Variants in ERC2 observed in about 807,000 individuals in gnomAD.
The protein encoded by ERC2 is ERC protein 2.
ERC2 carries 42 observed loss-of-function variants against 114.8 expected under a neutral mutation model. That is an observed-to-expected ratio of 0.37 (90% CI 0.29 to 0.47). The LOEUF (loss-of-function observed/expected upper bound fraction) is 0.47, where lower values mean the gene tolerates loss of function less well. ERC2 is among the 20% of genes least tolerant of loss of function. The probability of loss-of-function intolerance (pLI) is 0.99; values close to 1 mark genes in which losing one functional copy is unlikely to be tolerated. For synonymous variants in ERC2, 454 were observed against 425.5 expected, an observed-to-expected ratio of 1.07 and a Z score of -0.82; for missense variants, 939 against 1,150.7, an observed-to-expected ratio of 0.82 and a Z score of 2.66.
chr3:55,733,566 A>T (rs755593194), intron 15 of ERC2, among the ~76,000 whole-genome samples: 2,855 of 149,624 alleles, frequency 0.019, 102 homozygotes, highest in African/African-American at 0.053. Context: ...ACACACACAC[A>T]CACACACACA....
chr3:55,915,286 C>T (rs911705987), intron 13 of ERC2, among the ~76,000 whole-genome samples: 8 of 151,996 alleles, frequency 5.3e-5, no homozygotes, highest in East Asian at 3.9e-4. Flanking sequence ...AAGATTATGA[C>T]GCTTATGTTG....
intron 12 of ERC2, among the ~76,000 whole-genome samples, chr3:55,981,934 T>C (rs1294134680): frequency 1.3e-5 from 2 of 152,138 alleles, no homozygotes; most frequent in Non-Finnish European, 2.9e-5. Context: ...CCGCCTCCCA[T>C]GTGTGGCACA....
chr3:56,244,498 C>T (rs1229969962), intron 3 of ERC2, among the ~76,000 whole-genome samples: 3 of 152,064 alleles, frequency 2.0e-5, no homozygotes, highest in Non-Finnish European at 2.9e-5. Flanking sequence ...ATGCGTGTTA[C>T]TGCCCCTGAA....
chr3:55,873,298 A>C (rs2062671167), intron 14 of ERC2, among the ~76,000 whole-genome samples: 2 of 152,130 alleles, frequency 1.3e-5, no homozygotes, highest in South Asian at 4.2e-4. Context: ...GCCATTGTTA[A>C]ACACATGGCC....
intron 11 of ERC2, among the ~76,000 whole-genome samples, chr3:55,987,996 G>C (rs368274655): frequency 6.6e-6 from 1 of 152,092 alleles, no homozygotes; most frequent in African/African-American, 2.4e-5. Flanking sequence ...TACATGAAAG[G>C]TCACCCAAAC....
intron 4 of ERC2, among the ~76,000 whole-genome samples, chr3:56,170,610 T>TTG (rs2082606585): frequency 6.8e-6 from 1 of 147,584 alleles, no homozygotes; most frequent in Admixed American, 6.7e-5. Flanking sequence ...TTTTTTTTTT[T>TTG]TTTTGAGGTA....
At chr3:56,267,367 A>G (rs975185270) in intron 3 of ERC2, among the ~76,000 whole-genome samples, 6 of 152,252 alleles carry the variant, frequency 3.9e-5, no homozygotes, top group Admixed American at 2.0e-4. Context: ...AAACACAGAA[A>G]GAAAAAGGCT....
intron 17 of ERC2, among the ~76,000 whole-genome samples, chr3:55,664,243 C>T (rs1467149863): frequency 6.6e-6 from 1 of 152,146 alleles, no homozygotes; most frequent in East Asian, 1.9e-4. Context: ...GAATCAGAAT[C>T]TGTATTTAAC....
chr3:55,841,678 T>C (rs900215180), intron 14 of ERC2, among the ~76,000 whole-genome samples: 22 of 152,194 alleles, frequency 1.4e-4, no homozygotes, highest in African/African-American at 5.3e-4. Flanking sequence ...GGTTTCTACA[T>C]TTAAAGAGAA....
intron 17 of ERC2, among the ~76,000 whole-genome samples, chr3:55,630,203 CTT>C (rs955342253): frequency 6.6e-5 from 10 of 152,190 alleles, no homozygotes; most frequent in Admixed American, 5.2e-4. Flanking sequence ...GAGTTTCGCT[CTT>C]GTCGCCCAGA....
chr3:55,790,360 C>T (rs1057379135), intron 14 of ERC2, among the ~76,000 whole-genome samples: 5 of 152,074 alleles, frequency 3.3e-5, no homozygotes, highest in Non-Finnish European at 5.9e-5. Flanking sequence ...CTCCTGTAGC[C>T]CCCCACAATA....
intron 6 of ERC2, among the ~76,000 whole-genome samples, chr3:56,137,324 A>G (rs1181736903): frequency 6.6e-6 from 1 of 152,224 alleles, no homozygotes; most frequent in Non-Finnish European, 1.5e-5. Flanking sequence ...GGTATTATTG[A>G]CAAAATATGG....
chr3:56,057,914 T>C (rs957302957), intron 7 of ERC2, among the ~76,000 whole-genome samples: 1 of 152,222 alleles, frequency 6.6e-6, no homozygotes, highest in South Asian at 2.1e-4. Flanking sequence ...TCTACCTCTT[T>C]AGTTTGGTAT....
At chr3:56,430,688 C>A (rs2061753940) in intron 2 of ERC2, among the ~76,000 whole-genome samples, 1 of 152,154 alleles carries the variant, frequency 6.6e-6, no homozygotes, top group Non-Finnish European at 1.5e-5. Context: ...ACTAGGGAGG[C>A]TGAGGTGGGA....
chr3:55,571,917 T>C (rs149648102), intron 17 of ERC2, among the ~76,000 whole-genome samples: 1 of 152,334 alleles, frequency 6.6e-6, no homozygotes, highest in African/African-American at 2.4e-5. Flanking sequence ...CTGGATACTG[T>C]TCCCTCTTGC....
intron 3 of ERC2, among the ~76,000 whole-genome samples, chr3:56,174,774 T>C (rs985913161): frequency 6.6e-6 from 1 of 152,080 alleles, no homozygotes; most frequent in African/African-American, 2.4e-5. Flanking sequence ...GGTCAGAAGA[T>C]TGAGACCATC....
chr3:56,134,451 A>C lies in ERC2; in HGVS notation c.1473+5058T>G, dbSNP rs371906336. Reference sequence around the variant, plus strand: ...TTAAATGAAAAAATGCATGAAGCCCAGAGAGCAAAGATTATTAATGTGAAG... The same window carrying C: ...TTAAATGAAAAAATGCATGAAGCCCCGAGAGCAAAGATTATTAATGTGAAG... On this transcript the variant is annotated intron_variant, in intron 6 of 17. Transcript: ENST00000288221. Among the ~76,000 whole-genome samples the C allele has an allele frequency of 3.9e-5, 6 of 152,226 alleles. No homozygotes were observed. In the East Asian group the frequency reaches 1.2e-3, roughly 29 times the overall value.
At chr3:56,059,936 T>C (rs2076178964) in intron 7 of ERC2, among the ~76,000 whole-genome samples, 1 of 152,228 alleles carries the variant, frequency 6.6e-6, no homozygotes, top group Non-Finnish European at 1.5e-5. Flanking sequence ...CAGCTTTGTC[T>C]GCATTTGCAC....
At chr3:55,832,578 A>G (rs1290514105) in intron 14 of ERC2, among the ~76,000 whole-genome samples, 1 of 152,242 alleles carries the variant, frequency 6.6e-6, no homozygotes, top group Non-Finnish European at 1.5e-5. Context: ...TAACAAACAG[A>G]AAGAATATCC....
Sources: allele counts gnomAD v4.1 joint callset (sites outside exome capture counted in the v4.1 genomes callset), GRCh38; gene constraint gnomAD v4.1.1; transcripts MANE v1.5; gene names NCBI Gene and HGNC (gene_info 2026-07-23, HGNC 2026-07-21).